Variants in SYT9 observed in about 807,000 individuals in gnomAD.
SYT9 encodes synaptotagmin 9.
SYT9 carries 22 observed loss-of-function variants against 48.4 expected under a neutral mutation model. That is an observed-to-expected ratio of 0.45 (90% CI 0.32 to 0.65). SYT9 has a LOEUF of 0.65. SYT9 is among the 30% of genes least tolerant of loss of function. SYT9 has a pLI of 0.03. For missense variants in SYT9, 577 were observed against 622.0 expected, an observed-to-expected ratio of 0.93 and a Z score of 0.77; for synonymous variants, 265 against 245.0, an observed-to-expected ratio of 1.08 and a Z score of -0.76.
intron 3 of SYT9, among the ~76,000 whole-genome samples, chr11:7,402,483 C>T (rs61195717): frequency 0.044 from 6,666 of 152,082 alleles, 433 homozygotes; most frequent in African/African-American, 0.15. Flanking sequence ...TTGATTATAT[C>T]AGATTTGTTT....
At chr11:7,368,154 A>G (rs931023418) in intron 3 of SYT9, among the ~76,000 whole-genome samples, 4 of 152,228 alleles carry the variant, frequency 2.6e-5, no homozygotes, top group Non-Finnish European at 4.4e-5. Context: ...AGTATAAGCT[A>G]ATGATTTTAA....
At chr11:7,417,600 T>TG (rs771084483) in intron 4 of SYT9, among the ~76,000 whole-genome samples, 4 of 152,192 alleles carry the variant, frequency 2.6e-5, no homozygotes, top group Admixed American at 1.3e-4. Flanking sequence ...GGCTCAGAGC[T>TG]GGGGGGCCTG....
At chr11:7,430,086 A>G (rs942051991) in intron 6 of SYT9, among the ~76,000 whole-genome samples, 3 of 140,140 alleles carry the variant, frequency 2.1e-5, no homozygotes, top group Non-Finnish European at 4.8e-5. Flanking sequence ...TACAGCAAAA[A>G]TGAAGATCTA....
intron 3 of SYT9, among the ~76,000 whole-genome samples, chr11:7,395,102 TGGTGTACCCA>T (rs765240166): frequency 6.6e-6 from 1 of 152,110 alleles, no homozygotes; most frequent in Non-Finnish European, 1.5e-5. Context: ...TGTGAGATTT[TGGTGTACCCA>T]TCACCCGAGC....
intron 1 of SYT9, among the ~76,000 whole-genome samples, chr11:7,255,468 T>C (rs1847951365): frequency 6.6e-6 from 1 of 152,220 alleles, no homozygotes; most frequent in South Asian, 2.1e-4. Flanking sequence ...TTGACTGCTA[T>C]GTTGAAGAGC....
At chr11:7,381,983 C>A (rs571647364) in intron 3 of SYT9, among the ~76,000 whole-genome samples, 1 of 152,272 alleles carries the variant, frequency 6.6e-6, no homozygotes, top group East Asian at 1.9e-4. Context: ...CTCATCATCT[C>A]CACAAGCAGA....
At chr11:7,357,090 A>G (rs908940528) in intron 3 of SYT9, among the ~76,000 whole-genome samples, 22 of 152,222 alleles carry the variant, frequency 1.4e-4, no homozygotes, top group African/African-American at 5.3e-4. Flanking sequence ...TAAGGTGTGA[A>G]TAGAAAGTAC....
intron 1 of SYT9, among the ~76,000 whole-genome samples, chr11:7,259,940 C>T (rs1335105481): frequency 6.6e-6 from 1 of 152,042 alleles, no homozygotes; most frequent in East Asian, 1.9e-4. Context: ...CAAAATGCTG[C>T]ATTTATTTAT....
At chr11:7,394,326 G>A (rs561799476) in intron 3 of SYT9, among the ~76,000 whole-genome samples, 85 of 152,296 alleles carry the variant, frequency 5.6e-4, no homozygotes, top group African/African-American at 1.9e-3. Flanking sequence ...ATTCCATGGT[G>A]TATATGTGCC....
intron 3 of SYT9, among the ~76,000 whole-genome samples, chr11:7,384,093 C>CA (rs1402792808): frequency 6.6e-6 from 1 of 150,704 alleles, no homozygotes; most frequent in Non-Finnish European, 1.5e-5. Context: ...CACACACACA[C>CA]CCTCACACCT....
At chr11:7,360,686 A>G (rs992355513) in intron 3 of SYT9, among the ~76,000 whole-genome samples, 1 of 152,170 alleles carries the variant, frequency 6.6e-6, no homozygotes, top group Non-Finnish European at 1.5e-5. Flanking sequence ...CATAAAGGCA[A>G]TTGGCCTATA....
intron 2 of SYT9, among the ~76,000 whole-genome samples, chr11:7,305,702 C>A (rs1336371553): frequency 6.6e-6 from 1 of 152,116 alleles, no homozygotes; most frequent in Non-Finnish European, 1.5e-5. Flanking sequence ...TCATTATGTT[C>A]TTTACTTTCT....
chr11:7,449,624 G>C (rs1848006155), intron 6 of SYT9, among the ~76,000 whole-genome samples: 1 of 152,110 alleles, frequency 6.6e-6, no homozygotes, highest in South Asian at 2.1e-4. Context: ...TATGATGACA[G>C]TAGGGACAAG....
chr11:7,454,334 C>G (rs1848110168), intron 6 of SYT9: 2 of 982,312 alleles, frequency 2.0e-6, no homozygotes, highest in Non-Finnish European at 2.4e-6. Context: ...CATTTCCGCT[C>G]TCTGCTGCAC....
intron 6 of SYT9, among the ~76,000 whole-genome samples, chr11:7,432,592 C>T (rs7127550): frequency 0.25 from 1,056 of 4,194 alleles, 107 homozygotes; most frequent in Non-Finnish European, 0.27. Context: ...AATATATATA[C>T]ATATATATAT....
At chr11:7,255,939 G>A (rs1333637269) in intron 1 of SYT9, among the ~76,000 whole-genome samples, 2 of 152,138 alleles carry the variant, frequency 1.3e-5, no homozygotes, top group African/African-American at 4.8e-5. Flanking sequence ...ATTGGTTATA[G>A]AACAGTATGT....
intron 3 of SYT9, among the ~76,000 whole-genome samples, chr11:7,406,285 T>A (rs1174871371): frequency 6.6e-6 from 1 of 151,948 alleles, no homozygotes; most frequent in Non-Finnish European, 1.5e-5. Flanking sequence ...AACTGTATGT[T>A]TATATCTACT....
intron 6 of SYT9, chr11:7,454,433 C>A: frequency 4.9e-6 from 2 of 404,356 alleles, no homozygotes; most frequent in Non-Finnish European, 3.3e-6. Context: ...CATCCTATCC[C>A]AAGCACGGAC....
intron 3 of SYT9, among the ~76,000 whole-genome samples, chr11:7,385,914 TG>T (rs1460398888): frequency 6.6e-6 from 1 of 152,204 alleles, no homozygotes; most frequent in Admixed American, 6.5e-5. Flanking sequence ...TCTGTCAAGT[TG>T]GAATCTGACC....
Sources: gnomAD v4.1 joint callset for allele counts (sites outside exome capture counted in the v4.1 genomes callset) on GRCh38, gnomAD v4.1.1 for gene constraint, MANE v1.5 for transcripts, NCBI Gene and HGNC (gene_info 2026-07-23, HGNC 2026-07-21) for gene names.